The following DLGAP1 variants were observed in gnomAD, a reference collection of about 807,000 sequenced individuals.
The protein encoded by DLGAP1 is disks large-associated protein 1.
DLGAP1 carries 11 observed loss-of-function variants against 90.8 expected under a neutral mutation model. The ratio of observed to expected loss-of-function variants is 0.12; its 90% CI spans 0.08 to 0.20. The LOEUF (loss-of-function observed/expected upper bound fraction) is 0.20. Ranked by LOEUF, DLGAP1 falls within the 10% of genes least tolerant of loss-of-function variation. The pLI is 1.00. For synonymous variants in DLGAP1, 558 were observed against 540.7 expected, an observed-to-expected ratio of 1.03 and a Z score of -0.44; for missense variants, 1,050 against 1,333.8, an observed-to-expected ratio of 0.79 and a Z score of 3.31.
At chr18:3,606,379 T>G (rs183435513) in intron 7 of DLGAP1, among the ~76,000 whole-genome samples, 9 of 152,276 alleles carry the variant, frequency 5.9e-5, no homozygotes, top group Admixed American at 5.2e-4. Context: ...TTCCTTACAT[T>G]ATAGAGTTTG....
At chr18:4,092,631 C>T (rs141259245) in intron 2 of DLGAP1, among the ~76,000 whole-genome samples, 22 of 152,232 alleles carry the variant, frequency 1.4e-4, no homozygotes, top group African/African-American at 3.9e-4. Context: ...AGGGGCAGCA[C>T]GATTTGCTGC....
chr18:3,724,839 A>G (rs1452796158), intron 7 of DLGAP1, among the ~76,000 whole-genome samples: 1 of 151,716 alleles, frequency 6.6e-6, no homozygotes, highest in Non-Finnish European at 1.5e-5. Context: ...CAGGAGCTGG[A>G]GGCTGCAGTA....
chr18:3,904,506 C>A (rs2071852827), intron 3 of DLGAP1, among the ~76,000 whole-genome samples: 1 of 152,210 alleles, frequency 6.6e-6, no homozygotes, highest in African/African-American at 2.4e-5. Context: ...TCACCTAGTC[C>A]CGTCCCAGAG....
chr18:3,499,316 T>A lies in DLGAP1; in HGVS notation c.2803A>T (p.Ser935Cys), dbSNP rs2049806997. 1.2e-5 allele frequency: 19 copies of A among 1,571,342 alleles called. No homozygotes were observed. The highest frequency in any genetic ancestry group is 1.6e-5 in the Non-Finnish European group (18 of 1,159,598). ...APLIRERSLE[S>C]SQRQEARKRL... Reference sequence around the variant, plus strand: ...TTGCGGGCCTCCTGGCGCTGCGAGCTCTCCAGCGAGCGCTCCCGGATCAGC... The same window carrying A: ...TTGCGGGCCTCCTGGCGCTGCGAGCACTCCAGCGAGCGCTCCCGGATCAGC... The change falls in exon 13 of 13, where the codon AGC (serine) becomes TGC (cysteine). Residue 935 changes from serine to cysteine, a missense_variant. Physicochemically the swap from Ser to Cys is moderately radical, Grantham distance 112 (BLOSUM62 -1). This residue lies in a region of DLGAP1 where 565 missense variants were observed against 879.7 expected (regional missense o/e 0.64). Coordinates refer to ENST00000315677, the MANE Select transcript of DLGAP1 (RefSeq NM_004746.4). The surrounding 1 kb of genome is among the most constrained non-coding windows in gnomAD (Gnocchi z 6.4).
At position 4,310,044 on chromosome 18, in the gene DLGAP1, T is replaced by A. The variant is rs78879497; in HGVS notation, c.-267+144962A>T. Reference sequence around the variant, plus strand: ...TAAATATTGTGTGATCTAGCCATATTTTTGTATCTAATTCAATTGCAGGAG... The same window carrying A: ...TAAATATTGTGTGATCTAGCCATATATTTGTATCTAATTCAATTGCAGGAG... On this transcript the variant is annotated intron_variant, in intron 1 of 12. Transcript: ENST00000315677. Among the ~76,000 whole-genome samples, 619 of 152,288 alleles carry A rather than the reference T, an allele frequency of 4.1e-3. 4 individuals carry two copies. Among genetic ancestry groups the A allele is most frequent in the African/African-American group, 0.015 (604 of 41,572 alleles).
At chr18:3,931,666 C>T (rs1161698047) in intron 3 of DLGAP1, among the ~76,000 whole-genome samples, 1 of 152,090 alleles carries the variant, frequency 6.6e-6, no homozygotes, top group East Asian at 1.9e-4. Flanking sequence ...CTTGTCCTGG[C>T]CAAAAGCATC....
intron 1 of DLGAP1, among the ~76,000 whole-genome samples, chr18:4,171,331 T>A (rs2077021020): frequency 6.6e-6 from 1 of 151,856 alleles, no homozygotes; most frequent in South Asian, 2.1e-4. Flanking sequence ...GTCAGGAGAT[T>A]GAGACCATCT....
intron 1 of DLGAP1, chr18:4,248,506 A>T (rs2078702501): frequency 6.6e-6 from 1 of 152,138 alleles, no homozygotes; most frequent in African/African-American, 2.4e-5. Context: ...TCTTATAGAG[A>T]CTGCCGAATC....
At chr18:4,254,499 A>G (rs1446946473) in intron 1 of DLGAP1, among the ~76,000 whole-genome samples, 2 of 152,204 alleles carry the variant, frequency 1.3e-5, no homozygotes, top group Non-Finnish European at 2.9e-5. Flanking sequence ...AGGTCTTATT[A>G]AACTCAATCA....
At chr18:4,062,548 G>A (rs1281934906) in intron 2 of DLGAP1, among the ~76,000 whole-genome samples, 2 of 152,128 alleles carry the variant, frequency 1.3e-5, no homozygotes, top group African/African-American at 4.8e-5. Flanking sequence ...GGCTTTAAAA[G>A]TTATTATCTG....
At chr18:4,128,318 C>T (rs939918071) in intron 2 of DLGAP1, among the ~76,000 whole-genome samples, 2 of 151,782 alleles carry the variant, frequency 1.3e-5, no homozygotes, top group African/African-American at 2.4e-5. Flanking sequence ...TAAAGTATAC[C>T]GGGGGGATGT....
At chr18:4,042,281 T>C (rs375794002) in intron 2 of DLGAP1, among the ~76,000 whole-genome samples, 9 of 152,344 alleles carry the variant, frequency 5.9e-5, no homozygotes, top group Non-Finnish European at 8.8e-5. Flanking sequence ...AATATTCTCT[T>C]TTTCATTCCC....
At chr18:3,888,479 TAC>T (rs770299846) in intron 3 of DLGAP1, among the ~76,000 whole-genome samples, 15 of 152,220 alleles carry the variant, frequency 9.9e-5, no homozygotes, top group Non-Finnish European at 2.1e-4. Context: ...CGTCTGTGAA[TAC>T]CTCTGTCAAT....
At chr18:4,249,758 T>G (rs983007247) in intron 1 of DLGAP1, among the ~76,000 whole-genome samples, 2 of 152,132 alleles carry the variant, frequency 1.3e-5, no homozygotes, top group Non-Finnish European at 2.9e-5. Flanking sequence ...TGGCTAATTA[T>G]TTTGCTTTCT....
Position 3,910,572 on chromosome 18 carries a change from A to G in DLGAP1, c.-72-30432T>C, listed in dbSNP as rs556235980. On this transcript the variant is annotated intron_variant, in intron 3 of 12. Coordinates refer to ENST00000315677, the MANE Select transcript of DLGAP1 (RefSeq NM_004746.4). ...GGGTAGGTGACCTCAGGTGAAGTGA[A>G]GTTTTTCCATCTTCTTAGTGAACTC... 8.7e-4 allele frequency among the ~76,000 whole-genome samples: 132 copies of G among 152,272 alleles called. 2 individuals carry two copies. The highest frequency in any genetic ancestry group is 2.1e-3 in the South Asian group (10 of 4,820).
intron 1 of DLGAP1, among the ~76,000 whole-genome samples, chr18:4,167,302 C>T (rs1427264263): frequency 6.6e-6 from 1 of 151,788 alleles, no homozygotes; most frequent in Non-Finnish European, 1.5e-5. Flanking sequence ...AGATTTATTT[C>T]AAATTCAATA....
intron 1 of DLGAP1, among the ~76,000 whole-genome samples, chr18:4,246,179 A>G (rs1330791230): frequency 6.6e-6 from 1 of 152,126 alleles, no homozygotes; most frequent in Non-Finnish European, 1.5e-5. Flanking sequence ...CAGAATTATA[A>G]AATGTGGTAA....
At chr18:4,347,056 C>T (rs1467369169) in intron 1 of DLGAP1, among the ~76,000 whole-genome samples, 1 of 151,752 alleles carries the variant, frequency 6.6e-6, no homozygotes, top group African/African-American at 2.4e-5. Context: ...AAATAAGTAG[C>T]ATAAGTAACT....
At chr18:3,705,611 A>G (rs994071945) in intron 7 of DLGAP1, among the ~76,000 whole-genome samples, 2 of 151,378 alleles carry the variant, frequency 1.3e-5, no homozygotes, top group African/African-American at 4.8e-5. Flanking sequence ...TGTCATTTTA[A>G]CTAAGGTGAC....
Sources: gnomAD v4.1 joint callset for allele counts (sites outside exome capture counted in the v4.1 genomes callset) on GRCh38, gnomAD v4.1.1 for gene constraint, gnomAD v4.1.1 regional missense constraint, Gnocchi (gnomAD v3.1) non-coding constraint, MANE v1.5 for transcripts, NCBI Gene and HGNC (gene_info 2026-07-23, HGNC 2026-07-21) for gene names.